UBQLN1: variants seen among roughly 807,000 people sequenced by gnomAD.
UBQLN1 encodes ubiquilin 1.
A neutral mutation model predicts 65.4 loss-of-function variants in UBQLN1; 13 were observed. The observed-to-expected ratio is 0.20, with a 90% CI of 0.13 to 0.32. The LOEUF is 0.32. Ranked by LOEUF, UBQLN1 falls within the 10% of genes least tolerant of loss-of-function variation. The pLI is 1.00. For missense variants in UBQLN1, 561 were observed against 724.0 expected, an observed-to-expected ratio of 0.77 and a Z score of 2.58; for synonymous variants, 267 against 247.8, an observed-to-expected ratio of 1.08 and a Z score of -0.73.
intron 2 of UBQLN1, among the ~76,000 whole-genome samples, chr9:83,684,638 C>G (rs1326117624): frequency 6.6e-6 from 1 of 151,908 alleles, no homozygotes; most frequent in Non-Finnish European, 1.5e-5. Context: ...ATGAGGAAAC[C>G]CCGTCTCTAT....
chr9:83,677,212 C>T (rs1831848250), intron 6 of UBQLN1, among the ~76,000 whole-genome samples: 1 of 152,180 alleles, frequency 6.6e-6, no homozygotes. Context: ...ACACAGGTAA[C>T]TAGTAACAAC....
At chr9:83,707,466 C>G (rs1301818953) in intron 1 of UBQLN1, 34 bp downstream of exon 1, 17 of 1,586,988 alleles carry the variant, frequency 1.1e-5, no homozygotes, top group Admixed American at 3.6e-5. Flanking sequence ...CCTGCCGCCA[C>G]CCCCATCCCG....
At chr9:83,670,635 G>A (rs1831714045) in intron 6 of UBQLN1, among the ~76,000 whole-genome samples, 1 of 152,102 alleles carries the variant, frequency 6.6e-6, no homozygotes, top group Admixed American at 6.5e-5. Context: ...GGTTGGGGTG[G>A]CTGTGGCAAT....
In UBQLN1 at chr9:83,683,076, ATAAT is replaced by A. The variant is rs1831973210; in HGVS notation, c.333-14_333-11del. The A allele has an allele frequency of 3.8e-6, 6 of 1,584,580 alleles. No homozygotes were observed. The highest frequency in any genetic ancestry group is 4.6e-4 in the Middle Eastern group (2 of 4,378). ...TGAATGATCCTGAGGCCTAGGGAAA[ATAAT>A]TAATCACAGAGTAAGCAGTAGAGCT... On this transcript the variant is annotated splice_polypyrimidine_tract_variant and intron_variant, in intron 2 of 10. Coordinates refer to ENST00000376395, the MANE Select transcript of UBQLN1 (RefSeq NM_013438.5).
At chr9:83,684,054 C>G (rs943686650) in intron 2 of UBQLN1, among the ~76,000 whole-genome samples, 1 of 152,118 alleles carries the variant, frequency 6.6e-6, no homozygotes, top group East Asian at 1.9e-4. Flanking sequence ...AAACCCACAA[C>G]TTTTTTATCT....
intron 3 of UBQLN1, among the ~76,000 whole-genome samples, chr9:83,682,253 C>G (rs1428162494): frequency 6.6e-6 from 1 of 151,940 alleles, no homozygotes; most frequent in Non-Finnish European, 1.5e-5. Flanking sequence ...CCACTGCACT[C>G]CAGCCTGGGC....
At chr9:83,702,484 C>T (rs560395364) in intron 1 of UBQLN1, among the ~76,000 whole-genome samples, 2 of 151,986 alleles carry the variant, frequency 1.3e-5, no homozygotes, top group Admixed American at 6.6e-5. Flanking sequence ...AAGATGTTGT[C>T]CAGCAGAAAT....
At chr9:83,685,582 C>A (rs1832026858) in intron 2 of UBQLN1, among the ~76,000 whole-genome samples, 1 of 150,948 alleles carries the variant, frequency 6.6e-6, no homozygotes, top group African/African-American at 2.4e-5. Context: ...TCACTTGAGC[C>A]CAGCCTGGGC....
intron 6 of UBQLN1, among the ~76,000 whole-genome samples, chr9:83,674,731 G>A (rs1382160841): frequency 1.3e-5 from 2 of 152,180 alleles, no homozygotes; most frequent in African/African-American, 4.8e-5. Flanking sequence ...TTGATAAGCT[G>A]ACAGATGTTA....
At chr9:83,682,847 G>C in intron 3 of UBQLN1, 104 bp downstream of exon 3, 1 of 484,894 alleles carries the variant, frequency 2.1e-6, no homozygotes, top group Non-Finnish European at 3.5e-6. Context: ...AATTTTTGTT[G>C]TTAAAGTGAC....
In UBQLN1 at chr9:83,660,019, A is replaced by G. The variant is rs563871749; in HGVS notation, c.*1768T>C. On this transcript the variant is annotated 3_prime_UTR_variant, in exon 11 of 11. Transcript: ENST00000376395. ...TTTATGATTAATAAATTGTCAAATT[A>G]GTTATGACACTATCCCACACTGAAT... The G allele has an allele frequency of 6.6e-6, 1 of 152,380 alleles. No individual in the cohort carries two copies. Among genetic ancestry groups the G allele is most frequent in the African/African-American group, 2.4e-5 (1 of 41,590 alleles). The allele number at this position is 152,380 out of a possible 1,614,324, so 9.4% of individuals were successfully genotyped here.
intron 7 of UBQLN1, chr9:83,667,358 A>G: frequency 3.3e-6 from 1 of 303,360 alleles, no homozygotes; most frequent in Non-Finnish European, 4.8e-6. Flanking sequence ...TTATCTATCC[A>G]AAGTCTGGGG....
chr9:83,667,069 G>C (rs1312282574), intron 7 of UBQLN1: 2 of 152,172 alleles, frequency 1.3e-5, no homozygotes, highest in Non-Finnish European at 2.9e-5. Context: ...AGACCTAAAA[G>C]ATGTAAATCC....
intron 1 of UBQLN1, among the ~76,000 whole-genome samples, chr9:83,706,499 C>CA (rs1391750211): frequency 1.3e-5 from 2 of 152,196 alleles, no homozygotes; most frequent in African/African-American, 4.8e-5. Context: ...ACCAATACCC[C>CA]AATCACCTAC....
At chr9:83,680,306 C>T (rs1372963639) in intron 3 of UBQLN1, among the ~76,000 whole-genome samples, 1 of 151,976 alleles carries the variant, frequency 6.6e-6, no homozygotes, top group African/African-American at 2.4e-5. Flanking sequence ...TGGTCTTTCT[C>T]CTTGATCCTG....
At chr9:83,675,767 A>G (rs560241446) in intron 6 of UBQLN1, among the ~76,000 whole-genome samples, 4 of 152,306 alleles carry the variant, frequency 2.6e-5, no homozygotes, top group South Asian at 4.1e-4. Flanking sequence ...CGTATTTTGA[A>G]TAAGTCAGTC....
At chr9:83,671,229 C>T (rs13301627) in intron 6 of UBQLN1, among the ~76,000 whole-genome samples, 1 of 152,300 alleles carries the variant, frequency 6.6e-6, no homozygotes, top group Middle Eastern at 3.4e-3. Flanking sequence ...CCATGAGGGA[C>T]AGAACAAACT....
intron 9 of UBQLN1, 85 bp from the exon 10 acceptor site, chr9:83,664,128 TAAGCCA>T: frequency 6.9e-7 from 1 of 1,442,902 alleles, no homozygotes; most frequent in Non-Finnish European, 9.4e-7. Flanking sequence ...TAATATAAGC[TAAGCCA>T]TCTTCTTAAA....
intron 1 of UBQLN1, among the ~76,000 whole-genome samples, chr9:83,707,261 A>G (rs923913913): frequency 2.6e-5 from 4 of 152,124 alleles, no homozygotes; most frequent in Middle Eastern, 3.2e-3. Flanking sequence ...CAGAGAAGGA[A>G]GGCTCCGAGA....
Sources: allele counts gnomAD v4.1 joint callset (sites outside exome capture counted in the v4.1 genomes callset), GRCh38; gene constraint gnomAD v4.1.1; transcripts MANE v1.5; gene names NCBI Gene and HGNC (gene_info 2026-07-23, HGNC 2026-07-21).